Variants in CCDC88C observed in about 807,000 individuals in gnomAD.
CCDC88C encodes coiled-coil and HOOK domain protein 88C.
Under a neutral mutation model 198.8 loss-of-function variants are expected in CCDC88C, and 131 were observed. The observed-to-expected ratio is 0.66, with a 90% confidence interval of 0.57 to 0.76. The LOEUF (loss-of-function observed/expected upper bound fraction) is 0.76, where lower values mean the gene tolerates loss of function less well. CCDC88C is among the 30% of genes least tolerant of loss of function. The pLI, the probability that CCDC88C is intolerant of heterozygous loss-of-function variation, is 0.00. For missense variants in CCDC88C, 2,553 were observed against 2,631.6 expected (o/e 0.97, Z 0.65); for synonymous variants, 1,166 against 1,114.7 (o/e 1.05, Z -0.92).
At chr14:91,375,729 G>C (rs1052702073) in intron 3 of CCDC88C, among the ~76,000 whole-genome samples, 4 of 152,208 alleles carry the variant, frequency 2.6e-5, no homozygotes, top group Admixed American at 2.6e-4. Flanking sequence ...GACTCTTCCA[G>C]CCCAAGCCAC....
intron 3 of CCDC88C, among the ~76,000 whole-genome samples, chr14:91,401,361 G>A (rs990058124): frequency 7.6e-6 from 1 of 131,648 alleles, no homozygotes; most frequent in African/African-American, 2.6e-5. Context: ...TTGAGACGGA[G>A]CCTTACTCTG....
At chr14:91,328,207 T>C (rs924538989) in intron 10 of CCDC88C, among the ~76,000 whole-genome samples, 12 of 152,332 alleles carry the variant, frequency 7.9e-5, no homozygotes, top group Non-Finnish European at 2.9e-5. Context: ...GGAGATGGCA[T>C]GGAACAGAAG....
intron 25 of CCDC88C, 35 bp downstream of exon 25, chr14:91,289,070 C>T: frequency 2.5e-6 from 4 of 1,571,588 alleles, no homozygotes; most frequent in Non-Finnish European, 3.5e-6. Context: ...ACACCCCCTT[C>T]CTCACCCGAC....
In CCDC88C at chr14:91,417,560, G is replaced by C; in HGVS notation, c.60+71C>G. The stretch of plus-strand genomic sequence containing the variant: ...CCGGGGCCCCGGCCGTGTCGGGTCT[G>C]CGGCGTCCCGTCGCCGGGCTAGAGA... On this transcript the variant is annotated intron_variant, in intron 1 of 29. Coordinates refer to ENST00000389857, the MANE Select transcript of CCDC88C (RefSeq NM_001080414.4). 2.8e-6 allele frequency: 4 copies of C among 1,435,834 alleles called. No individual in the cohort carries two copies. The South Asian group carries it at 3.7e-5, about 13-fold the overall frequency. 88.9% of individuals were successfully genotyped at this position (1,435,834 alleles called of 1,614,324 possible).
chr14:91,401,748 A>C (rs1886217870), intron 3 of CCDC88C, among the ~76,000 whole-genome samples: 1 of 152,202 alleles, frequency 6.6e-6, no homozygotes, highest in East Asian at 1.9e-4. Context: ...AAAAGTGGAG[A>C]AACTAATGTC....
chr14:91,416,162 G>A (rs1428455652), intron 2 of CCDC88C, among the ~76,000 whole-genome samples: 1 of 152,164 alleles, frequency 6.6e-6, no homozygotes, highest in East Asian at 1.9e-4. Context: ...ACCCTGTTCA[G>A]GCTGCATGCT....
rs2139806348 is a variant in CCDC88C, at chr14:91,313,786, G to A, written c.2030C>T (p.Thr677Ile). 1 of 1,606,274 alleles carries A rather than the reference G, an allele frequency of 6.2e-7. No individual in the cohort carries two copies. Among genetic ancestry groups the A allele is most frequent in the Non-Finnish European group, 8.5e-7 (1 of 1,179,194 alleles). The change falls in exon 15 of 30, where the codon ACT (threonine) becomes ATT (isoleucine). Residue 677 changes from threonine (T) to isoleucine (I), a missense_variant. This residue lies in a region of CCDC88C where 1,260 missense variants were observed against 1,412.0 expected (regional missense o/e 0.89). Transcript: ENST00000389857. This position sits in a 1 kb window ranked among gnomAD's most constrained non-coding sequence, Gnocchi z 5.2. Reference sequence around the variant, plus strand: ...CAAGGTGTCCAGAGACTTCCTCAGAGTCCGGTTCTCCAGCTGCAGGCCCTG... The same window carrying A: ...CAAGGTGTCCAGAGACTTCCTCAGAATCCGGTTCTCCAGCTGCAGGCCCTG... Reference protein sequence around the residue: ...ESQGLQLENRTLRKSLDTLQN... With the variant: ...ESQGLQLENRILRKSLDTLQN...
intron 3 of CCDC88C, chr14:91,379,700 A>G: frequency 1.6e-6 from 1 of 616,144 alleles, no homozygotes; most frequent in Non-Finnish European, 2.9e-6. Flanking sequence ...TGTCAGTGCC[A>G]CTCCCAGAAG....
chr14:91,374,980 C>G (rs1884305815), intron 3 of CCDC88C, among the ~76,000 whole-genome samples: 1 of 152,322 alleles, frequency 6.6e-6, no homozygotes, highest in East Asian at 1.9e-4. Context: ...ATGGGACAGG[C>G]ACTGTAACAC....
In CCDC88C at chr14:91,338,800, TCTCC is replaced by T. The variant is rs1461872636; in HGVS notation, c.810-234_810-231del. 12 of 541,450 alleles carry T rather than the reference TCTCC, an allele frequency of 2.2e-5. No individual in the cohort carries two copies. The highest frequency in any genetic ancestry group is 3.3e-5 in the Non-Finnish European group (10 of 300,300). 33.5% of individuals were successfully genotyped at this position (541,450 alleles called of 1,614,324 possible). A position where few individuals can be genotyped will look rare whatever the true frequency, so the allele number is the denominator to read the frequency against. On this transcript the variant is annotated intron_variant, in intron 8 of 29. Transcript: ENST00000389857. The surrounding 1 kb of genome is among the most constrained non-coding windows in gnomAD (Gnocchi z 4.8). ...AAACTATGTCCATCCGCCACTCAGG[TCTCC>T]CTCCCTGTGTGTGGGGCAGGTAAGG... is the stretch of plus-strand genomic sequence containing the variant.
At chr14:91,404,144 CAG>C (rs1886358828) in intron 3 of CCDC88C, among the ~76,000 whole-genome samples, 1 of 152,168 alleles carries the variant, frequency 6.6e-6, no homozygotes, top group African/African-American at 2.4e-5. Flanking sequence ...TTGGACAGGC[CAG>C]CCTTTTCTTC....
chr14:91,300,208 A>G (rs137902853), intron 20 of CCDC88C, 138 bp from the exon 21 acceptor site: 55 of 1,302,858 alleles, frequency 4.2e-5, no homozygotes, highest in Middle Eastern at 2.1e-4. Context: ...AGTGAGGGGC[A>G]TGGGGCAGGG....
At chr14:91,330,684 G>A (rs757520230) in intron 10 of CCDC88C, among the ~76,000 whole-genome samples, 13 of 152,178 alleles carry the variant, frequency 8.5e-5, no homozygotes, top group East Asian at 1.9e-4. Flanking sequence ...TTGAGCACCC[G>A]AGTGGATGTG....
intron 23 of CCDC88C, among the ~76,000 whole-genome samples, chr14:91,293,595 ATGG>A (rs1567056070): frequency 7.4e-6 from 1 of 135,018 alleles, no homozygotes; most frequent in Admixed American, 7.5e-5. Context: ...CTCGCCTGCC[ATGG>A]CCCACCTCCT....
In CCDC88C at chr14:91,325,900, C is replaced by T. The variant is rs1360036536; in HGVS notation, c.1197+10G>A. ...TGTTTTCAATGTAGTAACAACACAG[C>T]CTGCAGTACCAATTCCAGGTCGTGA... is the stretch of plus-strand genomic sequence containing the variant. On this transcript the variant is annotated intron_variant, in intron 11 of 29. Transcript: ENST00000389857. This position sits in a 1 kb window ranked among gnomAD's most constrained non-coding sequence, Gnocchi z 4.1. The T allele has an allele frequency of 6.5e-7, 1 of 1,549,728 alleles. No individual in the cohort carries two copies. Among genetic ancestry groups the T allele is most frequent in the Non-Finnish European group, 8.7e-7 (1 of 1,145,614 alleles).
intron 27 of CCDC88C, 143 bp from the exon 28 acceptor site, chr14:91,279,449 C>T: frequency 1.6e-6 from 1 of 635,786 alleles, no homozygotes; most frequent in South Asian, 2.1e-5. Flanking sequence ...CTCTGGGACT[C>T]CCTCTGCGCT....
chr14:91,337,983 G>A (rs754338681), intron 10 of CCDC88C, 22 bp downstream of exon 10: 10 of 1,606,828 alleles, frequency 6.2e-6, no homozygotes, highest in Middle Eastern at 1.7e-4. Context: ...CCATCCAGGG[G>A]CCTCACAGCA....
At chr14:91,353,019 G>A (rs967156356) in intron 4 of CCDC88C, among the ~76,000 whole-genome samples, 1 of 143,152 alleles carries the variant, frequency 7.0e-6, no homozygotes, top group Non-Finnish European at 1.5e-5. Context: ...TGTGGGCTAC[G>A]AGAGAGAGGT....
rs398039192 is a variant in CCDC88C at position 91,322,923 on chromosome 14, T to TTTTG, written c.1343-1620_1343-1619insCAAA. Reference sequence around the variant, plus strand: ...GTTTCTCTTTTTTTTTTTTTTTTTTTGAGACAGAATCTCACTCTCTCACCC... The same window carrying TTTTG: ...GTTTCTCTTTTTTTTTTTTTTTTTTTTTTGGAGACAGAATCTCACTCTCTCACCC... On this transcript the variant is annotated intron_variant, in intron 12 of 29. Coordinates refer to ENST00000389857, the MANE Select transcript of CCDC88C (RefSeq NM_001080414.4). Among the ~76,000 whole-genome samples the TTTTG allele has an allele frequency of 2.0e-3, 296 of 150,344 alleles. 1 individual carries two copies. Among genetic ancestry groups the TTTTG allele is most frequent in the African/African-American group, 7.0e-3 (286 of 40,758 alleles).
Sources: gnomAD v4.1 joint callset for allele counts (sites outside exome capture counted in the v4.1 genomes callset) on GRCh38, gnomAD v4.1.1 for gene constraint, gnomAD v4.1.1 regional missense constraint, Gnocchi (gnomAD v3.1) non-coding constraint, MANE v1.5 for transcripts, NCBI Gene and HGNC (gene_info 2026-07-23, HGNC 2026-07-21) for gene names.